Variants in FBXO15 observed in about 807,000 individuals in gnomAD.
FBXO15 encodes F-box protein 15, also known as F-box only protein 15.
Under a neutral mutation model 49.5 loss-of-function variants are expected in FBXO15, and 30 were observed. The ratio of observed to expected loss-of-function variants is 0.61; its 90% CI spans 0.45 to 0.82. FBXO15 has a LOEUF of 0.82. Among genes scored for constraint, FBXO15 ranks in the 40% least tolerant of loss-of-function variants. The probability of loss-of-function intolerance (pLI) is 0.00; values close to 1 mark genes in which losing one functional copy is unlikely to be tolerated. For missense variants in FBXO15, 591 were observed against 631.5 expected (o/e 0.94, Z 0.69); for synonymous variants, 250 against 232.7 (o/e 1.07, Z -0.68).
At chr18:74,124,389 A>G in intron 7 of FBXO15, 100 bp downstream of exon 7, 6 of 961,238 alleles carry the variant, frequency 6.2e-6, no homozygotes, top group Non-Finnish European at 9.6e-6. Context: ...TAAAAACAGA[A>G]TATCTCTGCA....
intron 1 of FBXO15, among the ~76,000 whole-genome samples, chr18:74,147,279 G>A (rs1179933904): frequency 6.6e-6 from 1 of 151,978 alleles, no homozygotes; most frequent in Non-Finnish European, 1.5e-5. Flanking sequence ...TAAGTTGTAA[G>A]GTCATGAAAA....
At chr18:74,081,728 A>C (rs1475598748) in intron 9 of FBXO15, among the ~76,000 whole-genome samples, 199 bp downstream of exon 9, 1 of 152,186 alleles carries the variant, frequency 6.6e-6, no homozygotes, top group African/African-American at 2.4e-5. Context: ...AAAGGTACTC[A>C]ATAAGCATCT....
intron 7 of FBXO15, among the ~76,000 whole-genome samples, chr18:74,123,743 C>T (rs572397870): frequency 1.3e-5 from 2 of 152,050 alleles, no homozygotes. Context: ...AGGCAGCCAC[C>T]GCCCAGCACG....
intron 8 of FBXO15, among the ~76,000 whole-genome samples, chr18:74,121,625 A>C (rs757239367): frequency 6.6e-6 from 1 of 152,210 alleles, no homozygotes; most frequent in African/African-American, 2.4e-5. Flanking sequence ...GGAAGACTCA[A>C]AGACAAAGAG....
chr18:74,116,111 G>A (rs1914220147), intron 8 of FBXO15, among the ~76,000 whole-genome samples: 1 of 152,176 alleles, frequency 6.6e-6, no homozygotes, highest in South Asian at 2.1e-4. Context: ...AAAAGCAAGG[G>A]AACAATTAAC....
At chr18:74,129,802 C>T (rs930852637) in intron 4 of FBXO15, among the ~76,000 whole-genome samples, 188 bp from the exon 5 acceptor site, 5 of 152,148 alleles carry the variant, frequency 3.3e-5, no homozygotes, top group Non-Finnish European at 7.4e-5. Context: ...CCTCACCTAA[C>T]ACCCACTGAA....
chr18:74,079,275 C>A (rs922464678), intron 9 of FBXO15, among the ~76,000 whole-genome samples: 1 of 152,186 alleles, frequency 6.6e-6, no homozygotes, highest in Non-Finnish European at 1.5e-5. Flanking sequence ...ACTTTGATTA[C>A]TTGACTTATG....
chr18:74,142,535 T>C (rs1242317268), intron 1 of FBXO15, among the ~76,000 whole-genome samples: 2 of 152,130 alleles, frequency 1.3e-5, no homozygotes, highest in African/African-American at 4.8e-5. Flanking sequence ...CTAGAGAGGA[T>C]CATTCCTTTT....
At position 74,124,540 on chromosome 18, in the gene FBXO15, T is replaced by G; in HGVS notation, c.944A>C (p.Asn315Thr). The G allele has an allele frequency of 6.2e-7, 1 of 1,614,038 alleles. No homozygotes were observed. The highest frequency in any genetic ancestry group is 8.5e-7 in the Non-Finnish European group (1 of 1,180,012). ...KEEELAFVMA[N>T]LHFHHLVERS... ...CTCCACAAGGTGATGAAAATGAAGATTTGCCATAACAAAAGCCAGTTCTTC... is the reference window on the plus strand; with the variant it reads ...CTCCACAAGGTGATGAAAATGAAGAGTTGCCATAACAAAAGCCAGTTCTTC... Residue 315 changes from asparagine to threonine, a missense_variant, in exon 7 of 10, where the codon AAT (asparagine) becomes ACT (threonine). Physicochemically the swap from Asn to Thr is moderately conservative, Grantham distance 65 (BLOSUM62 0). Transcript: ENST00000419743.
chr18:74,117,421 C>T (rs543694510), intron 8 of FBXO15, among the ~76,000 whole-genome samples: 1 of 152,144 alleles, frequency 6.6e-6, no homozygotes, highest in Non-Finnish European at 1.5e-5. Context: ...AACAGCCTAC[C>T]CTGACCACAC....
intron 5 of FBXO15, among the ~76,000 whole-genome samples, chr18:74,126,535 G>A (rs1914718919): frequency 6.6e-6 from 1 of 152,212 alleles, no homozygotes; most frequent in Non-Finnish European, 1.5e-5. Flanking sequence ...GGTCTCAGGA[G>A]ATGGCTGGAA....
Position 74,075,182 on chromosome 18 carries a change from C to A in FBXO15, c.1264-1452G>T, listed in dbSNP as rs1369741424. ...CGCCTCATGGAACAACACCTCATCC[C>A]CTCCCTCAGCCCTCTGCATCCTGCT... On this transcript the variant is annotated intron_variant, in intron 9 of 9. Transcript: ENST00000419743. The surrounding 1 kb of genome is among the most constrained non-coding windows in gnomAD (Gnocchi z 4.1). 2.0e-5 allele frequency among the ~76,000 whole-genome samples: 3 copies of A among 152,194 alleles called. No homozygotes were observed. The highest frequency in any genetic ancestry group is 4.4e-5 in the Non-Finnish European group (3 of 68,044).
intron 6 of FBXO15, among the ~76,000 whole-genome samples, chr18:74,125,683 AAAGGAATAACATG>A (rs1284183344): frequency 6.6e-6 from 1 of 152,218 alleles, no homozygotes; most frequent in Non-Finnish European, 1.5e-5. Flanking sequence ...ACATGACATG[AAAGGAATAACATG>A]AAGGAAAACA....
chr18:74,136,891 T>C (rs1419894268), intron 2 of FBXO15, among the ~76,000 whole-genome samples: 1 of 152,196 alleles, frequency 6.6e-6, no homozygotes, highest in Admixed American at 6.5e-5. Context: ...GAGAAATCTT[T>C]TGTCCAATTT....
chr18:74,089,354 G>T (rs1599140017), intron 8 of FBXO15, among the ~76,000 whole-genome samples: 2 of 152,068 alleles, frequency 1.3e-5, no homozygotes, highest in Non-Finnish European at 2.9e-5. Context: ...ACTATGGGGG[G>T]TTTTAGGCAT....
chr18:74,108,308 A>G (rs1913860297), intron 8 of FBXO15, among the ~76,000 whole-genome samples: 1 of 152,162 alleles, frequency 6.6e-6, no homozygotes, highest in Admixed American at 6.5e-5. Context: ...TTAAAAAAAG[A>G]CAGCATGCAA....
intron 2 of FBXO15, among the ~76,000 whole-genome samples, chr18:74,136,493 A>C (rs542548651): frequency 5.7e-4 from 87 of 152,254 alleles, no homozygotes; most frequent in African/African-American, 2.0e-3. Context: ...TTCCCCAAAA[A>C]AGTAAGTATA....
At chr18:74,105,303 A>G (rs890222484) in intron 8 of FBXO15, among the ~76,000 whole-genome samples, 3 of 152,244 alleles carry the variant, frequency 2.0e-5, no homozygotes, top group African/African-American at 7.2e-5. Context: ...AATAATTCAA[A>G]TGTTTCTAAC....
chr18:74,144,336 TA>T (rs1979273251), intron 1 of FBXO15, among the ~76,000 whole-genome samples: 1 of 151,960 alleles, frequency 6.6e-6, no homozygotes, highest in South Asian at 2.1e-4. Context: ...GGGGACGATT[TA>T]GGGGGCATAA....
Sources: gnomAD v4.1 joint callset for allele counts (sites outside exome capture counted in the v4.1 genomes callset) on GRCh38, gnomAD v4.1.1 for gene constraint, Gnocchi (gnomAD v3.1) non-coding constraint, MANE v1.5 for transcripts, NCBI Gene and HGNC (gene_info 2026-07-23, HGNC 2026-07-21) for gene names.